The following DISC1 variants were observed in gnomAD, a reference collection of about 807,000 sequenced individuals.
DISC1 encodes the protein DISC1 scaffold protein.
Under a neutral mutation model 84.5 loss-of-function variants are expected in DISC1, and 57 were observed. That is an observed-to-expected ratio of 0.67 (90% CI 0.55 to 0.84). The LOEUF is 0.84. DISC1 is among the 40% of genes least tolerant of loss of function. DISC1 has a pLI of 0.00. For synonymous variants in DISC1, 411 were observed against 415.2 expected, an observed-to-expected ratio of 0.99 and a Z score of 0.12; for missense variants, 1,000 against 1,057.8, an observed-to-expected ratio of 0.95 and a Z score of 0.76.
chr1:231,968,108 T>C (rs1661358969), intron 10 of DISC1, among the ~76,000 whole-genome samples: 1 of 152,254 alleles, frequency 6.6e-6, no homozygotes, highest in African/African-American at 2.4e-5. Context: ...GTCATTATAA[T>C]ACTTTCCATT....
chr1:231,647,917 G>T (rs1202742711), intron 1 of DISC1, among the ~76,000 whole-genome samples: 1 of 152,188 alleles, frequency 6.6e-6, no homozygotes, highest in East Asian at 1.9e-4. Context: ...TTTGTATCCT[G>T]AGACATTACT....
rs932063867 is a variant in DISC1 at position 231,728,158 on chromosome 1, C to A, written c.1118-21768C>A. Among the ~76,000 whole-genome samples, 3 of 152,076 alleles carry A rather than the reference C, an allele frequency of 2.0e-5. No homozygotes were observed. The East Asian group carries it at 5.8e-4, about 29-fold the overall frequency. ...TGCATCCCTTTGGTGTTTACTTGATCATTTTATTCCTCTTTAGAGGTTTAT... is the reference window on the plus strand; with the variant it reads ...TGCATCCCTTTGGTGTTTACTTGATAATTTTATTCCTCTTTAGAGGTTTAT... On this transcript the variant is annotated intron_variant, in intron 3 of 12. Coordinates refer to ENST00000439617, the MANE Select transcript of DISC1 (RefSeq NM_018662.3).
chr1:231,820,441 T>G (rs1393215810), intron 9 of DISC1, among the ~76,000 whole-genome samples: 2 of 152,218 alleles, frequency 1.3e-5, no homozygotes, highest in Non-Finnish European at 2.9e-5. Context: ...GCATGTACCA[T>G]GACTCTTTTT....
In DISC1 at chr1:231,662,935, C is replaced by G. The variant is rs185518399; in HGVS notation, c.68-30891C>G. Reference sequence around the variant, plus strand: ...GTAAGATATAAAGGAGGCAAAATGGCAAAAGTAAGTCCTTCCATATTAGTA... The same window carrying G: ...GTAAGATATAAAGGAGGCAAAATGGGAAAAGTAAGTCCTTCCATATTAGTA... On this transcript the variant is annotated intron_variant, in intron 1 of 12. Coordinates refer to ENST00000439617, the MANE Select transcript of DISC1 (RefSeq NM_018662.3). Among the ~76,000 whole-genome samples the G allele has an allele frequency of 2.4e-3, 357 of 151,420 alleles. 5 individuals are homozygous for G. The highest frequency in any genetic ancestry group is 8.2e-3 in the African/African-American group (340 of 41,354).
chr1:231,719,969 C>T (rs1421866342), intron 3 of DISC1, among the ~76,000 whole-genome samples: 1 of 152,180 alleles, frequency 6.6e-6, no homozygotes, highest in South Asian at 2.1e-4. Flanking sequence ...TTCCACTTGA[C>T]CTTTATACAA....
intron 9 of DISC1, among the ~76,000 whole-genome samples, chr1:231,846,253 G>A (rs541272439): frequency 6.6e-6 from 1 of 152,182 alleles, no homozygotes; most frequent in Non-Finnish European, 1.5e-5. Flanking sequence ...AGCTGGGCAT[G>A]CAGAGCTTGC....
intron 9 of DISC1, among the ~76,000 whole-genome samples, chr1:231,898,389 G>A (rs2087872728): frequency 6.6e-6 from 1 of 152,212 alleles, no homozygotes; most frequent in Admixed American, 6.5e-5. Flanking sequence ...GAAGGTGAAG[G>A]ACCCTTGCCC....
intron 9 of DISC1, among the ~76,000 whole-genome samples, chr1:231,884,834 GT>G (rs1032537057): frequency 5.9e-5 from 9 of 152,004 alleles, no homozygotes; most frequent in Non-Finnish European, 1.3e-4. Flanking sequence ...TATAATCTGA[GT>G]TCTGTCTTTG....
chr1:231,910,374 G>A (rs1486885103), intron 9 of DISC1, among the ~76,000 whole-genome samples: 2 of 152,134 alleles, frequency 1.3e-5, no homozygotes, highest in Non-Finnish European at 2.9e-5. Context: ...GGTATGTTGT[G>A]TCTTTGTTGT....
intron 9 of DISC1, among the ~76,000 whole-genome samples, chr1:231,863,616 T>C (rs2084840975): frequency 1.3e-5 from 2 of 152,238 alleles, no homozygotes; most frequent in African/African-American, 4.8e-5. Flanking sequence ...ATATGGGTTC[T>C]TTCAGACTCT....
chr1:231,690,494 T>C (rs1481180950), intron 1 of DISC1, among the ~76,000 whole-genome samples: 1 of 152,216 alleles, frequency 6.6e-6, no homozygotes, highest in Non-Finnish European at 1.5e-5. Context: ...CCTGCCCTTT[T>C]GAACCTCCTT....
intron 10 of DISC1, among the ~76,000 whole-genome samples, chr1:231,980,415 G>C (rs1016352919): frequency 6.6e-6 from 1 of 152,128 alleles, no homozygotes; most frequent in African/African-American, 2.4e-5. Context: ...GTGTGTTTGT[G>C]ACTCACACTG....
At chr1:231,853,797 C>A (rs189860942) in intron 9 of DISC1, among the ~76,000 whole-genome samples, 1 of 152,226 alleles carries the variant, frequency 6.6e-6, no homozygotes, top group African/African-American at 2.4e-5. Context: ...GGCCAAGATA[C>A]AGCAGCTGCC....
intron 9 of DISC1, among the ~76,000 whole-genome samples, chr1:231,841,842 G>A (rs202085988): frequency 6.6e-6 from 1 of 152,124 alleles, no homozygotes; most frequent in Non-Finnish European, 1.5e-5. Flanking sequence ...AGACAAGAGG[G>A]CAAGAGATAA....
At chr1:231,801,229 T>G (rs1334162791) in intron 8 of DISC1, among the ~76,000 whole-genome samples, 1 of 152,124 alleles carries the variant, frequency 6.6e-6, no homozygotes, top group East Asian at 1.9e-4. Context: ...GCTTGGCTCT[T>G]AACAGCTTCA....
intron 12 of DISC1, among the ~76,000 whole-genome samples, chr1:232,032,161 G>A (rs60398369): frequency 0.033 from 5,039 of 152,262 alleles, 296 homozygotes; most frequent in African/African-American, 0.11. Flanking sequence ...GGATTCTGGA[G>A]CATTTCAGAT....
intron 12 of DISC1, among the ~76,000 whole-genome samples, chr1:232,032,760 G>T (rs1436155671): frequency 6.6e-6 from 1 of 152,102 alleles, no homozygotes; most frequent in African/African-American, 2.4e-5. Flanking sequence ...TTTGGAATTT[G>T]CCTAAATTGT....
intron 9 of DISC1, among the ~76,000 whole-genome samples, chr1:231,921,072 A>G (rs1257779695): frequency 6.6e-6 from 1 of 150,638 alleles, no homozygotes; most frequent in Non-Finnish European, 1.5e-5. Flanking sequence ...AAGCCTGGCT[A>G]ATTTTTTTTT....
At chr1:232,002,660 T>C (rs952593625) in intron 10 of DISC1, among the ~76,000 whole-genome samples, 2 of 151,656 alleles carry the variant, frequency 1.3e-5, no homozygotes, top group African/African-American at 2.4e-5. Flanking sequence ...CCTTAAGGTA[T>C]CTACTTTATG....
Sources: gnomAD v4.1 joint callset for allele counts (sites outside exome capture counted in the v4.1 genomes callset) on GRCh38, gnomAD v4.1.1 for gene constraint, MANE v1.5 for transcripts, NCBI Gene and HGNC (gene_info 2026-07-23, HGNC 2026-07-21) for gene names.